SH3RF3: variants seen among roughly 807,000 people sequenced by gnomAD.
SH3RF3 encodes the protein E3 ubiquitin-protein ligase SH3RF3.
In SH3RF3, 29 loss-of-function variants were observed where a neutral mutation model predicts 66.3. That is an observed-to-expected ratio of 0.44 (90% CI 0.33 to 0.60). The LOEUF is 0.60. Ranked by LOEUF, SH3RF3 falls within the 20% of genes least tolerant of loss-of-function variation. The pLI, the probability that SH3RF3 is intolerant of heterozygous loss-of-function variation, is 0.04. For missense variants in SH3RF3, 1,194 were observed against 1,190.9 expected (o/e 1.00, Z -0.04); for synonymous variants, 583 against 532.0 (o/e 1.10, Z -1.32).
intron 8 of SH3RF3, among the ~76,000 whole-genome samples, chr2:109,476,686 G>T (rs182159922): frequency 6.6e-6 from 1 of 152,210 alleles, no homozygotes; most frequent in Non-Finnish European, 1.5e-5. Flanking sequence ...AAAGAATTCA[G>T]GGTGAGTCTG....
intron 3 of SH3RF3, among the ~76,000 whole-genome samples, chr2:109,377,675 C>A (rs945312051): frequency 2.0e-5 from 3 of 152,124 alleles, no homozygotes; most frequent in African/African-American, 7.2e-5. Context: ...GCAGGAGTTC[C>A]TGCTGATGGC....
chr2:109,311,603 A>C (rs1048418595), intron 1 of SH3RF3, among the ~76,000 whole-genome samples: 1 of 152,252 alleles, frequency 6.6e-6, no homozygotes, highest in Non-Finnish European at 1.5e-5. Flanking sequence ...CTTTTATTCT[A>C]GCTTCCTAAA....
chr2:109,270,025 G>A (rs72937602), intron 1 of SH3RF3, among the ~76,000 whole-genome samples: 1,926 of 152,300 alleles, frequency 0.013, 30 homozygotes, highest in African/African-American at 0.044. Context: ...AATAGATTGC[G>A]ATTGAAGCCA....
intron 1 of SH3RF3, among the ~76,000 whole-genome samples, chr2:109,256,143 G>T (rs112794972): frequency 6.6e-6 from 1 of 152,140 alleles, no homozygotes; most frequent in African/African-American, 2.4e-5. Context: ...GCTTCTGGCC[G>T]CTGTGACCCA....
chr2:109,389,620 C>T (rs890686205), intron 3 of SH3RF3, among the ~76,000 whole-genome samples: 1 of 152,196 alleles, frequency 6.6e-6, no homozygotes, highest in East Asian at 1.9e-4. Flanking sequence ...GCAAAGAAGA[C>T]ATGAGAAATT....
chr2:109,467,938 C>G (rs573468599), intron 8 of SH3RF3, among the ~76,000 whole-genome samples: 303 of 152,348 alleles, frequency 2.0e-3, no homozygotes, highest in Non-Finnish European at 3.6e-3. Flanking sequence ...TGTGAACATG[C>G]TCCACCTCCA....
chr2:109,465,667 G>A (rs1409970256), intron 8 of SH3RF3, among the ~76,000 whole-genome samples: 1 of 152,200 alleles, frequency 6.6e-6, no homozygotes, highest in African/African-American at 2.4e-5. Context: ...TTATGGTTCT[G>A]CAGGCTCTAC....
chr2:109,194,292 T>C (rs986366170), intron 1 of SH3RF3, among the ~76,000 whole-genome samples: 1 of 152,248 alleles, frequency 6.6e-6, no homozygotes, highest in Admixed American at 6.5e-5. Flanking sequence ...CTTGTGTTTC[T>C]TACCTGCAGG....
At chr2:109,344,254 G>A (rs1408978630) in intron 1 of SH3RF3, among the ~76,000 whole-genome samples, 1 of 152,240 alleles carries the variant, frequency 6.6e-6, no homozygotes, top group Non-Finnish European at 1.5e-5. Flanking sequence ...GGTGGCCGAT[G>A]GAGTTAGGAT....
At chr2:109,306,531 C>T (rs2105412272) in intron 1 of SH3RF3, among the ~76,000 whole-genome samples, 1 of 152,284 alleles carries the variant, frequency 6.6e-6, no homozygotes, top group Admixed American at 6.5e-5. Flanking sequence ...TCCGACCTGC[C>T]CTTGTGGATG....
chr2:109,332,845 C>G (rs1188763128), intron 1 of SH3RF3, among the ~76,000 whole-genome samples: 2 of 152,210 alleles, frequency 1.3e-5, no homozygotes, highest in East Asian at 1.9e-4. Flanking sequence ...TAATTGTGTC[C>G]TCACAAAAGT....
chr2:109,390,360 G>A (rs1360669922), intron 3 of SH3RF3, among the ~76,000 whole-genome samples: 1 of 152,154 alleles, frequency 6.6e-6, no homozygotes, highest in Non-Finnish European at 1.5e-5. Flanking sequence ...CCCTGCTGAG[G>A]GGCTAATCAG....
chr2:109,493,650 T>C (rs910627704), intron 9 of SH3RF3, among the ~76,000 whole-genome samples: 4 of 148,914 alleles, frequency 2.7e-5, no homozygotes, highest in African/African-American at 1.0e-4. Flanking sequence ...ACACACACCA[T>C]ACACACACAT....
intron 1 of SH3RF3, among the ~76,000 whole-genome samples, chr2:109,249,219 C>T (rs899680631): frequency 6.6e-6 from 1 of 152,216 alleles, no homozygotes; most frequent in Non-Finnish European, 1.5e-5. Context: ...AGCAACTCCC[C>T]CCCGACTCCT....
chr2:109,345,434 A>G (rs1682667754), intron 1 of SH3RF3, among the ~76,000 whole-genome samples: 2 of 152,142 alleles, frequency 1.3e-5, no homozygotes, highest in South Asian at 2.1e-4. Flanking sequence ...GTTGTTACCA[A>G]TGGTAGCAAA....
intron 1 of SH3RF3, among the ~76,000 whole-genome samples, chr2:109,221,730 A>G (rs1679248657): frequency 6.6e-6 from 1 of 152,102 alleles, no homozygotes; most frequent in Non-Finnish European, 1.5e-5. Context: ...GGACGTGGAG[A>G]AAAGGGAACT....
intron 1 of SH3RF3, among the ~76,000 whole-genome samples, chr2:109,205,265 T>TTC (rs1211197773): frequency 6.6e-6 from 1 of 151,536 alleles, no homozygotes; most frequent in African/African-American, 2.4e-5. Context: ...ATGTGACTTT[T>TTC]TTTTTTTTTT....
intron 1 of SH3RF3, among the ~76,000 whole-genome samples, chr2:109,148,681 G>GA (rs1403885047): frequency 1.3e-5 from 2 of 152,244 alleles, no homozygotes; most frequent in Non-Finnish European, 2.9e-5. Context: ...TTCTAATGCT[G>GA]AAAAGTGCAT....
intron 1 of SH3RF3, among the ~76,000 whole-genome samples, chr2:109,157,441 A>G (rs1418558503): frequency 6.6e-6 from 1 of 152,202 alleles, no homozygotes; most frequent in African/African-American, 2.4e-5. Context: ...TATAAATGAC[A>G]TTTTCAATCT....
Sources: allele counts gnomAD v4.1 joint callset (sites outside exome capture counted in the v4.1 genomes callset), GRCh38; gene constraint gnomAD v4.1.1; transcripts MANE v1.5; gene names NCBI Gene and HGNC (gene_info 2026-07-23, HGNC 2026-07-21).